MAGI2: variants seen among roughly 807,000 people sequenced by gnomAD.
The protein encoded by MAGI2 is membrane associated guanylate kinase, WW and PDZ domain containing 2, also known as membrane-associated guanylate kinase, WW and PDZ domain-containing protein 2.
MAGI2 carries 35 observed loss-of-function variants against 133.3 expected under a neutral mutation model. That is an observed-to-expected ratio of 0.26 (90% CI 0.20 to 0.35). The LOEUF (loss-of-function observed/expected upper bound fraction) is 0.35, where lower values mean the gene tolerates loss of function less well. Ranked by LOEUF, MAGI2 falls within the 10% of genes least tolerant of loss-of-function variation. MAGI2 has a pLI of 1.00. For missense variants in MAGI2, 1,636 were observed against 1,863.4 expected, an observed-to-expected ratio of 0.88 and a Z score of 2.25; for synonymous variants, 729 against 710.6, an observed-to-expected ratio of 1.03 and a Z score of -0.41.
Position 78,168,092 on chromosome 7 carries a change from A to G in MAGI2, c.2420T>C (p.Val807Ala), listed in dbSNP as rs770236109. 1.2e-6 allele frequency: 2 copies of G among 1,613,840 alleles called. No individual in the cohort carries two copies. The highest frequency in any genetic ancestry group is 1.7e-5 in the Admixed American group (1 of 59,998). ...TCTGTCGGCTGAGCCCATGGCAATG[A>G]CAGCTCCAATCAAAATCTAGAGAAG... ...EPGQPILIGA[V>A]IAMGSADRDG... Residue 807 changes from valine (V) to alanine (A), a missense_variant, in exon 15 of 22, where the codon GTC becomes GCC. This residue lies in a region of MAGI2 where 920 missense variants were observed against 1,093.5 expected (regional missense o/e 0.84). Coordinates refer to ENST00000354212, the MANE Select transcript of MAGI2 (RefSeq NM_012301.4).
At chr7:79,366,175 G>A (rs1842699116) in intron 1 of MAGI2, among the ~76,000 whole-genome samples, 1 of 152,014 alleles carries the variant, frequency 6.6e-6, no homozygotes, top group Non-Finnish European at 1.5e-5. Flanking sequence ...CCAGGAAGTC[G>A]AGGTGGCAGT....
chr7:78,137,770 T>C (rs991211391), intron 16 of MAGI2, among the ~76,000 whole-genome samples: 7 of 152,178 alleles, frequency 4.6e-5, no homozygotes, highest in African/African-American at 1.7e-4. Flanking sequence ...AAGAGTTTAT[T>C]ATTCAAAGGG....
At chr7:78,723,890 C>T (rs1030472268) in intron 2 of MAGI2, among the ~76,000 whole-genome samples, 2 of 152,076 alleles carry the variant, frequency 1.3e-5, no homozygotes, top group Non-Finnish European at 2.9e-5. Flanking sequence ...GGAGGCAAAA[C>T]AGAACATGAC....
chr7:78,642,609 T>G (rs1179940800), intron 2 of MAGI2, among the ~76,000 whole-genome samples: 1 of 152,204 alleles, frequency 6.6e-6, no homozygotes, highest in Non-Finnish European at 1.5e-5. Context: ...GAGAAAGACA[T>G]GGCTGACGAA....
chr7:78,329,383 A>G (rs970403337), intron 9 of MAGI2, among the ~76,000 whole-genome samples: 6 of 152,210 alleles, frequency 3.9e-5, no homozygotes, highest in Non-Finnish European at 8.8e-5. Context: ...CATAATTATG[A>G]GCTAAGATCT....
intron 2 of MAGI2, among the ~76,000 whole-genome samples, chr7:78,912,979 T>C (rs1798531078): frequency 6.6e-6 from 1 of 151,154 alleles, no homozygotes; most frequent in Admixed American, 6.6e-5. Context: ...AGAAATACAG[T>C]TTGGGGGTGG....
At chr7:78,625,654 C>T (rs1407394497) in intron 3 of MAGI2, among the ~76,000 whole-genome samples, 14 of 152,146 alleles carry the variant, frequency 9.2e-5, no homozygotes, top group Admixed American at 2.0e-4. Flanking sequence ...TGGGCTCACC[C>T]GCTAATGGAC....
At chr7:79,420,800 A>C (rs549679641) in intron 1 of MAGI2, among the ~76,000 whole-genome samples, 2 of 152,162 alleles carry the variant, frequency 1.3e-5, no homozygotes, top group African/African-American at 4.8e-5. Flanking sequence ...AGAGGATGCC[A>C]GCCTTTACTC....
chr7:78,719,646 G>T (rs948634099), intron 2 of MAGI2, among the ~76,000 whole-genome samples: 3 of 152,176 alleles, frequency 2.0e-5, no homozygotes, highest in Non-Finnish European at 2.9e-5. Context: ...CATGCCAAGG[G>T]TTTGGAATCC....
chr7:79,445,218 G>C (rs1035157878), intron 1 of MAGI2, among the ~76,000 whole-genome samples: 2 of 152,156 alleles, frequency 1.3e-5, no homozygotes, highest in African/African-American at 4.8e-5. Context: ...AACCCTAGAA[G>C]AAAACCTAGG....
chr7:78,217,064 C>T (rs1345438464), intron 10 of MAGI2, among the ~76,000 whole-genome samples: 2 of 152,170 alleles, frequency 1.3e-5, no homozygotes, highest in Non-Finnish European at 2.9e-5. Context: ...GACACAAGTT[C>T]TATTGGACTA....
chr7:78,992,571 C>T (rs982376382), intron 2 of MAGI2, among the ~76,000 whole-genome samples: 20 of 152,004 alleles, frequency 1.3e-4, no homozygotes, highest in African/African-American at 4.8e-4. Context: ...AACATCTGGC[C>T]TATTTGGATA....
At chr7:78,422,599 T>A (rs1324939889) in intron 6 of MAGI2, among the ~76,000 whole-genome samples, 1 of 150,514 alleles carries the variant, frequency 6.6e-6, no homozygotes, top group Admixed American at 6.6e-5. Flanking sequence ...AAAAAAAATC[T>A]ACTCCTGTGA....
At chr7:78,763,218 A>T (rs1207893) in intron 2 of MAGI2, among the ~76,000 whole-genome samples, 2 of 152,262 alleles carry the variant, frequency 1.3e-5, no homozygotes, top group African/African-American at 4.8e-5. Flanking sequence ...AACTCTAATG[A>T]ATCAATCATA....
intron 1 of MAGI2, among the ~76,000 whole-genome samples, chr7:79,229,466 T>A (rs745773811): frequency 3.3e-5 from 5 of 152,156 alleles, no homozygotes; most frequent in African/African-American, 4.8e-5. Flanking sequence ...CATTTTCAGA[T>A]TGGCTTCAGC....
chr7:78,709,603 C>T (rs754575443), intron 2 of MAGI2, among the ~76,000 whole-genome samples: 9 of 152,168 alleles, frequency 5.9e-5, no homozygotes, highest in Non-Finnish European at 1.2e-4. Context: ...AGCTAGAACA[C>T]ACAGTACAAA....
chr7:78,219,451 A>G (rs1788589294), intron 10 of MAGI2, among the ~76,000 whole-genome samples: 1 of 152,088 alleles, frequency 6.6e-6, no homozygotes, highest in Non-Finnish European at 1.5e-5. Flanking sequence ...CTCCATCTGC[A>G]CCCACTTTTC....
At chr7:78,554,932 G>C (rs371622155) in intron 3 of MAGI2, among the ~76,000 whole-genome samples, 2 of 151,938 alleles carry the variant, frequency 1.3e-5, no homozygotes, top group East Asian at 1.9e-4. Context: ...AATGGCTTGA[G>C]CCCAGGAGTT....
intron 1 of MAGI2, among the ~76,000 whole-genome samples, chr7:79,165,585 C>T (rs1005267116): frequency 6.6e-6 from 1 of 152,050 alleles, no homozygotes; most frequent in East Asian, 1.9e-4. Context: ...CCATGGCCAA[C>T]CTGCCATGAC....
Sources: allele counts gnomAD v4.1 joint callset (sites outside exome capture counted in the v4.1 genomes callset), GRCh38; gene constraint gnomAD v4.1.1; regional missense constraint gnomAD v4.1.1; transcripts MANE v1.5; gene names NCBI Gene and HGNC (gene_info 2026-07-23, HGNC 2026-07-21).